Variants in GKAP1 observed in about 807,000 individuals in gnomAD.
GKAP1 encodes the protein G kinase-anchoring protein 1.
Under a neutral mutation model 56.7 loss-of-function variants are expected in GKAP1, and 31 were observed. The ratio of observed to expected loss-of-function variants is 0.55; its 90% confidence interval spans 0.41 to 0.74. GKAP1 has a LOEUF of 0.74. Among genes scored for constraint, GKAP1 ranks in the 30% least tolerant of loss-of-function variants. The probability of loss-of-function intolerance (pLI) is 0.00; values close to 1 mark genes in which losing one functional copy is unlikely to be tolerated. For synonymous variants in GKAP1, 151 were observed against 138.6 expected (o/e 1.09, Z -0.63); for missense variants, 364 against 402.3 (o/e 0.90, Z 0.82).
intron 4 of GKAP1, among the ~76,000 whole-genome samples, chr9:83,795,462 GT>G (rs377246135): frequency 4.0e-5 from 6 of 150,934 alleles, no homozygotes; most frequent in African/African-American, 1.5e-4. Context: ...CACCACTAGT[GT>G]TTTTTTTATT....
chr9:83,778,511 T>C (rs140182657), intron 7 of GKAP1, among the ~76,000 whole-genome samples: 1,575 of 151,532 alleles, frequency 0.01, 23 homozygotes, highest in African/African-American at 0.037. Flanking sequence ...CATGGACACA[T>C]AGAGGGGAAC....
intron 3 of GKAP1, among the ~76,000 whole-genome samples, chr9:83,804,320 G>A (rs1336235879): frequency 7.0e-6 from 1 of 143,432 alleles, no homozygotes; most frequent in Non-Finnish European, 1.5e-5. Context: ...ACCCCGCCCG[G>A]CCAGCCGCCC....
intron 4 of GKAP1, among the ~76,000 whole-genome samples, chr9:83,797,002 A>G (rs1944258958): frequency 6.6e-6 from 1 of 152,132 alleles, no homozygotes; most frequent in Admixed American, 6.5e-5. Context: ...ACTAAGTACA[A>G]TGTGCTTTTC....
chr9:83,744,258 G>A (rs917060511), intron 10 of GKAP1, among the ~76,000 whole-genome samples: 4 of 152,154 alleles, frequency 2.6e-5, no homozygotes, highest in Non-Finnish European at 2.9e-5. Context: ...ACACAAATTT[G>A]TTTCAATGAG....
rs570248940 is a variant in GKAP1 at position 83,741,505 on chromosome 9, A to G, written c.1053+447T>C. 2.7e-3 allele frequency among the ~76,000 whole-genome samples: 416 copies of G among 152,264 alleles called. 1 individual carries two copies. The highest frequency in any genetic ancestry group is 4.8e-3 in the Non-Finnish European group (323 of 67,980). On this transcript the variant is annotated intron_variant, in intron 12 of 12. Transcript: ENST00000376371. ...ATCACTATTTTGCAATCACAAAAAA[A>G]GGCACAAATATCAATGGATGCTAAA...
chr9:83,801,702 C>T (rs1944334166), intron 3 of GKAP1, among the ~76,000 whole-genome samples: 1 of 152,188 alleles, frequency 6.6e-6, no homozygotes, highest in Admixed American at 6.5e-5. Context: ...ATCCTTCACA[C>T]TCATTCTGTT....
chr9:83,753,082 AT>A (rs1375101874), intron 9 of GKAP1, among the ~76,000 whole-genome samples, 175 bp downstream of exon 9: 37 of 128,312 alleles, frequency 2.9e-4, no homozygotes, highest in Middle Eastern at 7.8e-3. Context: ...CAACAACAAC[AT>A]AAATAAATAA....
intron 5 of GKAP1, among the ~76,000 whole-genome samples, chr9:83,787,438 T>C (rs1944084633): frequency 6.6e-6 from 1 of 152,166 alleles, no homozygotes; most frequent in African/African-American, 2.4e-5. Flanking sequence ...TGTCTTGCTG[T>C]GTTAACCCAA....
Position 83,793,798 on chromosome 9 carries a change from G to C in GKAP1, c.361-5120C>G, listed in dbSNP as rs556645100. On this transcript the variant is annotated intron_variant, in intron 4 of 12. Transcript: ENST00000376371. ...GAGCAGAAAAGGAAAGTTATAAACA[G>C]AAAATTAAGATAATGAATATTTAAA... Among the ~76,000 whole-genome samples, 649 of 152,302 alleles carry C rather than the reference G, an allele frequency of 4.3e-3. 6 individuals are homozygous for C. The highest frequency in any genetic ancestry group is 0.017 in the Middle Eastern group (5 of 294).
At position 83,788,600 on chromosome 9, in the gene GKAP1, C is replaced by T; in HGVS notation, c.438+1G>A. 1 of 1,527,728 alleles carries T rather than the reference C, an allele frequency of 6.5e-7. No homozygotes were observed. 94.6% of individuals were successfully genotyped at this position (1,527,728 alleles called of 1,614,324 possible). On this transcript the variant is annotated splice_donor_variant, in intron 5 of 12. Transcript: ENST00000376371. LOFTEE classifies it high-confidence loss of function. ...ATCTAAATCAGTAAGTATGTAAATA[C>T]CTTTTTGTGCTCTTCATATTCTAGT...
chr9:83,800,800 A>C (rs1485567875), intron 3 of GKAP1, among the ~76,000 whole-genome samples: 1 of 152,172 alleles, frequency 6.6e-6, no homozygotes, highest in Non-Finnish European at 1.5e-5. Flanking sequence ...AAATAAGGCA[A>C]AGGTGGAGCT....
rs575054009 is a variant in GKAP1, at chr9:83,788,510, A to G, written c.438+91T>C. 9 of 697,624 alleles carry G rather than the reference A, an allele frequency of 1.3e-5. No homozygotes were observed. In the Admixed American group the frequency reaches 2.1e-4, roughly 17 times the overall value. 43.2% of individuals were successfully genotyped at this position (697,624 alleles called of 1,614,324 possible). A position where few individuals can be genotyped will look rare whatever the true frequency, so the allele number is the denominator to read the frequency against. On this transcript the variant is annotated intron_variant, in intron 5 of 12. Transcript: ENST00000376371. ...AATGAATTTTTGGACAAACTTTTAC[A>G]GAAAAATTTTATGTAAAATTCAAGT...
At chr9:83,815,174 A>G (rs1944564960) in intron 2 of GKAP1, among the ~76,000 whole-genome samples, 1 of 152,172 alleles carries the variant, frequency 6.6e-6, no homozygotes, top group African/African-American at 2.4e-5. Flanking sequence ...CTGTCTCAAA[A>G]AAATGAAAAA....
chr9:83,784,656 G>C, intron 6 of GKAP1, 59 bp downstream of exon 6: 1 of 1,162,648 alleles, frequency 8.6e-7, no homozygotes, highest in Non-Finnish European at 1.2e-6. Context: ...ATTTACAACT[G>C]AAGTATAAAA....
intron 2 of GKAP1, among the ~76,000 whole-genome samples, chr9:83,809,471 C>T (rs897773444): frequency 3.3e-5 from 5 of 152,304 alleles, no homozygotes; most frequent in Non-Finnish European, 5.9e-5. Flanking sequence ...CTGCAGAATG[C>T]ACTGCTACCC....
At chr9:83,785,896 T>C (rs1021108135) in intron 5 of GKAP1, among the ~76,000 whole-genome samples, 5 of 152,216 alleles carry the variant, frequency 3.3e-5, no homozygotes, top group Non-Finnish European at 7.3e-5. Flanking sequence ...TGTCCTATCC[T>C]TCTGGCTGTA....
intron 10 of GKAP1, among the ~76,000 whole-genome samples, chr9:83,743,395 A>C (rs571584022): frequency 4.6e-5 from 7 of 151,446 alleles, no homozygotes; most frequent in African/African-American, 1.7e-4. Context: ...AGGGGTTCAA[A>C]ATCAGCCTGG....
rs1943602235 is a variant in GKAP1, at chr9:83,763,099, C to T, written c.738+5719G>A. 3.9e-5 allele frequency among the ~76,000 whole-genome samples: 6 copies of T among 152,112 alleles called. No homozygotes were observed. The South Asian group carries it at 1.2e-3, about 32-fold the overall frequency. On this transcript the variant is annotated intron_variant, in intron 8 of 12. Transcript: ENST00000376371. ...TGGTATTTATACACGATGGAGTACT[C>T]TTCATCCATAAAAAAAGATCTTGTT...
intron 2 of GKAP1, among the ~76,000 whole-genome samples, chr9:83,812,745 A>G (rs541341567): frequency 1.3e-5 from 2 of 152,304 alleles, no homozygotes; most frequent in East Asian, 3.9e-4. Context: ...TAATCAATAC[A>G]ATATTGATTT....
Sources: gnomAD v4.1 joint callset for allele counts (sites outside exome capture counted in the v4.1 genomes callset) on GRCh38, gnomAD v4.1.1 for gene constraint, MANE v1.5 for transcripts, NCBI Gene and HGNC (gene_info 2026-07-23, HGNC 2026-07-21) for gene names.